APCDD1L: variants seen among roughly 807,000 people sequenced by gnomAD.
The protein encoded by APCDD1L is APC down-regulated 1 like, also known as protein APCDD1-like.
In APCDD1L, 21 loss-of-function variants were observed where a neutral mutation model predicts 24.2. The observed-to-expected ratio is 0.87, with a 90% CI of 0.61 to 1.25. The LOEUF (loss-of-function observed/expected upper bound fraction) is 1.25, where lower values mean the gene tolerates loss of function less well. Ranked by LOEUF, APCDD1L falls within the 50% of genes most tolerant of loss-of-function variation. The pLI is 0.00. For synonymous variants in APCDD1L, 321 were observed against 323.6 expected (o/e 0.99, Z 0.09); for missense variants, 704 against 711.7 (o/e 0.99, Z 0.12).
chr20:58,462,580 A>G lies in APCDD1L; in HGVS notation c.742-1026T>C, dbSNP rs558944078. 2.3e-3 allele frequency among the ~76,000 whole-genome samples: 350 copies of G among 152,344 alleles called. 10 individuals carry two copies. The highest frequency in any genetic ancestry group is 3.1e-3 in the Non-Finnish European group (213 of 68,030). On this transcript the variant is annotated intron_variant, in intron 3 of 3. Coordinates refer to ENST00000371149, the MANE Select transcript of APCDD1L (RefSeq NM_153360.3). ...ATGTCTGAGCCGGGCACAGTGGCTC[A>G]CACCTGTAATCCCAGCTCTTTGGGA...
intron 1 of APCDD1L, among the ~76,000 whole-genome samples, chr20:58,473,275 A>G (rs142247367): frequency 2.3e-4 from 35 of 152,162 alleles, no homozygotes; most frequent in African/African-American, 8.2e-4. Context: ...AGTCACTGAG[A>G]CTAGATGGCC....
At chr20:58,513,160 G>C (rs1457636613) in intron 1 of APCDD1L, among the ~76,000 whole-genome samples, 1 of 152,192 alleles carries the variant, frequency 6.6e-6, no homozygotes, top group Non-Finnish European at 1.5e-5. Context: ...GCAACGGCCT[G>C]GAGGAGGCGG....
chr20:58,481,773 C>T (rs897694314), intron 1 of APCDD1L, among the ~76,000 whole-genome samples: 1 of 152,204 alleles, frequency 6.6e-6, no homozygotes, highest in Non-Finnish European at 1.5e-5. Context: ...CCCAGCCTCC[C>T]TCGTTCCACC....
chr20:58,489,156 G>A (rs1011609011), intron 1 of APCDD1L, among the ~76,000 whole-genome samples: 2 of 152,084 alleles, frequency 1.3e-5, no homozygotes, highest in Admixed American at 6.6e-5. Flanking sequence ...AGAAATTGAG[G>A]AGTAATTTAA....
Position 58,505,481 on chromosome 20 carries a change from G to T in APCDD1L, c.49+9178C>A, listed in dbSNP as rs190817985. On this transcript the variant is annotated intron_variant, in intron 1 of 3. Transcript: ENST00000371149. ...TCCTTCAAGATGTATTTAAGTCATT[G>T]CCTGTTGTTGGGTATTTAAATTTTG... Among the ~76,000 whole-genome samples, 4 of 152,186 alleles carry T rather than the reference G, an allele frequency of 2.6e-5. No individual in the cohort carries two copies. The East Asian group carries it at 7.7e-4, about 29-fold the overall frequency.
rs1440368307 is a variant in APCDD1L at position 58,461,280 on chromosome 20, C to A, written c.1016G>T (p.Gly339Val). The change falls in exon 4 of 4, where the codon GGC becomes GTC. Residue 339 changes from glycine to valine, a missense_variant. Coordinates refer to ENST00000371149, the MANE Select transcript of APCDD1L (RefSeq NM_153360.3). The surrounding 1 kb of genome is among the most constrained non-coding windows in gnomAD (Gnocchi z 6.0). Reference sequence around the variant, plus strand: ...GCCGCGGACCCTGGTGGATGGCGTGCCCCTGGTGTAGCGGCCGGCGGCATA... The same window carrying A: ...GCCGCGGACCCTGGTGGATGGCGTGACCCTGGTGTAGCGGCCGGCGGCATA... ...TVYAAGRYTR[G>V]TPSTRVRGGT... 1.9e-6 allele frequency: 3 copies of A among 1,612,660 alleles called. No homozygotes were observed. The highest frequency in any genetic ancestry group is 2.5e-6 in the Non-Finnish European group (3 of 1,179,228).
chr20:58,461,954 A>G lies in APCDD1L; in HGVS notation c.742-400T>C, dbSNP rs1989618711. 5.4e-6 allele frequency: 1 copy of G among 186,038 alleles called. No individual in the cohort carries two copies. The highest frequency in any genetic ancestry group is 1.1e-5 in the Non-Finnish European group (1 of 91,270). 11.5% of individuals were successfully genotyped at this position (186,038 alleles called of 1,614,324 possible). A position where few individuals can be genotyped will look rare whatever the true frequency, so the allele number is the denominator to read the frequency against. On this transcript the variant is annotated intron_variant, in intron 3 of 3. Coordinates refer to ENST00000371149, the MANE Select transcript of APCDD1L (RefSeq NM_153360.3). The surrounding 1 kb of genome is among the most constrained non-coding windows in gnomAD (Gnocchi z 6.0). The stretch of plus-strand genomic sequence containing the variant: ...CACCCCCTGAGACTCTCCTCTCTCT[A>G]CCCCTCACCCCTCATCAAACTGGAA...
rs1023084385 is a variant in APCDD1L at position 58,514,759 on chromosome 20, G to C, written c.-52C>G. 7.9e-7 allele frequency: 1 copy of C among 1,259,238 alleles called. No individual in the cohort carries two copies. The highest frequency in any genetic ancestry group is 1.5e-5 in the African/African-American group (1 of 65,452). The allele number at this position is 1,259,238 out of a possible 1,614,324, so 78.0% of individuals were successfully genotyped here. A position where few individuals can be genotyped will look rare whatever the true frequency, so the allele number is the denominator to read the frequency against. On this transcript the variant is annotated 5_prime_UTR_variant, in exon 1 of 4. Coordinates refer to ENST00000371149, the MANE Select transcript of APCDD1L (RefSeq NM_153360.3). ...CCGGGCGCTGCCACGGTGCGCAAGG[G>C]GAGGCGCGGGCGCAGGGCTCTCGGA...
intron 1 of APCDD1L, among the ~76,000 whole-genome samples, chr20:58,485,806 A>T (rs868288395): frequency 6.6e-6 from 1 of 152,200 alleles, no homozygotes; most frequent in Non-Finnish European, 1.5e-5. Context: ...ATACTTTTTC[A>T]TAAAGTAGGG....
intron 3 of APCDD1L, among the ~76,000 whole-genome samples, chr20:58,463,726 G>A (rs886176101): frequency 1.3e-5 from 2 of 152,108 alleles, no homozygotes; most frequent in African/African-American, 4.8e-5. Flanking sequence ...CACAGGAAGG[G>A]GGCATTTTGA....
intron 1 of APCDD1L, among the ~76,000 whole-genome samples, chr20:58,495,354 A>G (rs1248414184): frequency 1.3e-5 from 2 of 152,162 alleles, no homozygotes; most frequent in African/African-American, 4.8e-5. Flanking sequence ...CATGTGCCTG[A>G]CTGCATGGAT....
intron 1 of APCDD1L, among the ~76,000 whole-genome samples, chr20:58,506,962 G>T (rs566469419): frequency 6.6e-5 from 10 of 152,098 alleles, no homozygotes; most frequent in Admixed American, 3.3e-4. Context: ...TGGGTTGCTG[G>T]GCTTGCTGGC....
At chr20:58,475,011 A>G (rs1268523487) in intron 1 of APCDD1L, among the ~76,000 whole-genome samples, 1 of 151,986 alleles carries the variant, frequency 6.6e-6, no homozygotes, top group East Asian at 1.9e-4. Flanking sequence ...TTCCCCAGCA[A>G]TTCTCCTAGA....
intron 1 of APCDD1L, chr20:58,513,848 C>G: frequency 3.1e-6 from 4 of 1,290,700 alleles, no homozygotes; most frequent in Non-Finnish European, 4.1e-6. Context: ...TGATGTTGAT[C>G]TGGGCTTCCC....
rs1989796040 is a variant in APCDD1L at position 58,470,715 on chromosome 20, C to G, written c.82G>C (p.Gly28Arg). Reference sequence around the variant, plus strand: ...TGGGGTTCCCAGCGCAGGCAGCTGCCCCCGGCCTCCCCAGCCGCCGGTGCA... The same window carrying G: ...TGGGGTTCCCAGCGCAGGCAGCTGCGCCCGGCCTCCCCAGCCGCCGGTGCA... Reference protein sequence around the residue: ...HTAPAAGEAGGSCLRWEPHCQ... With the variant: ...HTAPAAGEAGRSCLRWEPHCQ... The change falls in exon 2 of 4, where the codon GGC (glycine) becomes CGC (arginine). Residue 28 changes from glycine (G) to arginine (R), a missense_variant. Gly to Arg is a moderately radical substitution (Grantham distance 125, BLOSUM62 -2). Coordinates refer to ENST00000371149, the MANE Select transcript of APCDD1L (RefSeq NM_153360.3). 3 of 1,542,858 alleles carry G rather than the reference C, an allele frequency of 1.9e-6. No homozygotes were observed. Among genetic ancestry groups the G allele is most frequent in the Non-Finnish European group, 2.6e-6 (3 of 1,147,088 alleles).
At chr20:58,513,022 C>CA (rs1491315696) in intron 1 of APCDD1L, among the ~76,000 whole-genome samples, 1 of 152,290 alleles carries the variant, frequency 6.6e-6, no homozygotes, top group East Asian at 1.9e-4. Flanking sequence ...GCTCTACACT[C>CA]ACAGTGATTT....
At chr20:58,468,579 T>A (rs1418787936) in intron 2 of APCDD1L, among the ~76,000 whole-genome samples, 2 of 152,114 alleles carry the variant, frequency 1.3e-5, no homozygotes, top group Admixed American at 1.3e-4. Flanking sequence ...TTCTTTCTTA[T>A]TTTTTTGAGA....
At chr20:58,464,896 G>A (rs899665700) in intron 3 of APCDD1L, among the ~76,000 whole-genome samples, 3 of 150,722 alleles carry the variant, frequency 2.0e-5, no homozygotes, top group African/African-American at 4.9e-5. Context: ...CCATTGGTGA[G>A]CAGACCTTTA....
In APCDD1L at chr20:58,467,265, G is replaced by T; in HGVS notation, c.582C>A (p.His194Gln). ...DCLEALGLTM[H>Q]ELSLVRVQRR... Reference sequence around the variant, plus strand: ...GCTGCACGCGGACCAGGCTGAGCTCGTGCATGGTGAGGCCCAGCGCCTCCA... The same window carrying T: ...GCTGCACGCGGACCAGGCTGAGCTCTTGCATGGTGAGGCCCAGCGCCTCCA... Residue 194 changes from histidine to glutamine, a missense_variant, in exon 3 of 4, where the codon CAC becomes CAA. Physicochemically the swap from His to Gln is conservative, Grantham distance 24. Transcript: ENST00000371149. This position sits in a 1 kb window ranked among gnomAD's most constrained non-coding sequence, Gnocchi z 5.9. 6.3e-7 allele frequency: 1 copy of T among 1,575,100 alleles called. No individual in the cohort carries two copies.
Sources: gnomAD v4.1 joint callset for allele counts (sites outside exome capture counted in the v4.1 genomes callset) on GRCh38, gnomAD v4.1.1 for gene constraint, Gnocchi (gnomAD v3.1) non-coding constraint, MANE v1.5 for transcripts, NCBI Gene and HGNC (gene_info 2026-07-23, HGNC 2026-07-21) for gene names.